Variants in PLEKHA8 observed in about 807,000 individuals in gnomAD.
The protein encoded by PLEKHA8 is pleckstrin homology domain-containing family A member 8.
A neutral mutation model predicts 68.2 loss-of-function variants in PLEKHA8; 36 were observed. That is an observed-to-expected ratio of 0.53 (90% CI 0.40 to 0.70). The LOEUF is 0.70. Ranked by LOEUF, PLEKHA8 falls within the 30% of genes least tolerant of loss-of-function variation. PLEKHA8 has a pLI of 0.00. For missense variants in PLEKHA8, 505 were observed against 615.4 expected (o/e 0.82, Z 1.90); for synonymous variants, 211 against 216.1 (o/e 0.98, Z 0.20).
intron 9 of PLEKHA8, among the ~76,000 whole-genome samples, chr7:30,058,791 A>G (rs1793201992): frequency 6.6e-6 from 1 of 152,220 alleles, no homozygotes. Context: ...GATTAAGATT[A>G]CATTATATCT....
rs887034551 is a variant in PLEKHA8, at chr7:30,078,739, G to A, written c.1512G>A (p.Leu504=). The change falls in exon 14 of 14, where the codon CTG becomes CTA. Residue 504 remains leucine (L), a synonymous_variant. Transcript: ENST00000449726. ...CCATGGAGAAGCAGCTGGCCATACT[G>A]GACACTTTATATGAGGTCCACGGGC... The part of the protein sequence containing the change: ...LPAMEKQLAI[L]DTLYEVHGLE... The A allele has an allele frequency of 1.9e-6, 3 of 1,613,758 alleles. No homozygotes were observed. Among genetic ancestry groups the A allele is most frequent in the African/African-American group, 1.3e-5 (1 of 74,992 alleles).
intron 13 of PLEKHA8, among the ~76,000 whole-genome samples, chr7:30,107,345 C>T (rs566238634): frequency 6.6e-6 from 1 of 151,904 alleles, no homozygotes; most frequent in East Asian, 1.9e-4. Context: ...AAACTTATTC[C>T]TAGGTACCTT....
At chr7:30,120,181 A>AC (rs202198987) in intron 13 of PLEKHA8, among the ~76,000 whole-genome samples, 6 of 151,454 alleles carry the variant, frequency 4.0e-5, no homozygotes, top group African/African-American at 1.2e-4. Flanking sequence ...AAAAAAAAAA[A>AC]CAGAAAATAA....
chr7:30,109,612 A>AAAAAG (rs796856565), intron 13 of PLEKHA8, among the ~76,000 whole-genome samples: 2 of 104,790 alleles, frequency 1.9e-5, no homozygotes, highest in African/African-American at 7.3e-5. Context: ...AAAAAAAAAA[A>AAAAAG]AGAGAGAGAG....
At chr7:30,044,774 G>A (rs1791818879) in intron 1 of PLEKHA8, among the ~76,000 whole-genome samples, 1 of 152,194 alleles carries the variant, frequency 6.6e-6, no homozygotes, top group Admixed American at 6.5e-5. Flanking sequence ...GAAAGAAATA[G>A]AATACACATC....
At chr7:30,089,155 C>T (rs1466622794), downstream of PLEKHA8, among the ~76,000 whole-genome samples, 2 of 152,174 alleles carry the variant, frequency 1.3e-5, no homozygotes, top group East Asian at 3.8e-4. Context: ...TACACAGCTC[C>T]TTCCTCCTCC....
Position 30,054,803 on chromosome 7 carries a change from G to A in PLEKHA8, c.891G>A (p.Pro297=), listed in dbSNP as rs756896529. The change falls in exon 8 of 14, where the codon CCG becomes CCA. Residue 297 remains proline, a synonymous_variant. Coordinates refer to ENST00000449726, the MANE Select transcript of PLEKHA8 (RefSeq NM_001197026.2). The part of the protein sequence containing the change: ...TQSGSDSSCS[P]ECLWEEGKEV... ...CTGGATCAGACTCAAGTTGCTCTCC[G>A]GAATGCCTCTGGGAGGAAGGCAAAG... The A allele has an allele frequency of 1.6e-5, 26 of 1,611,888 alleles. No individual in the cohort carries two copies. The Admixed American group carries it at 1.8e-4, about 11-fold the overall frequency.
At chr7:30,114,952 C>A (rs1796380892) in intron 13 of PLEKHA8, among the ~76,000 whole-genome samples, 1 of 152,092 alleles carries the variant, frequency 6.6e-6, no homozygotes, top group Non-Finnish European at 1.5e-5. Flanking sequence ...CATATAAATT[C>A]TTTTTTGTCT....
chr7:30,097,988 G>A (rs367587314), intron 13 of PLEKHA8, among the ~76,000 whole-genome samples: 4 of 152,108 alleles, frequency 2.6e-5, no homozygotes, highest in African/African-American at 9.7e-5. Context: ...TGATGGTGAC[G>A]TACAGATGGA....
intron 13 of PLEKHA8, among the ~76,000 whole-genome samples, chr7:30,123,606 TAGAC>T (rs1401311823): frequency 2.6e-5 from 4 of 152,178 alleles, no homozygotes; most frequent in African/African-American, 4.8e-5. Context: ...ATCAGGCACT[TAGAC>T]AGAAGGAGAG....
chr7:30,115,833 T>TGC lies in PLEKHA8; in HGVS notation c.1363-13433_1363-13432insGC, dbSNP rs1562558017. On this transcript the variant is annotated intron_variant, in intron 13 of 13. Coordinates refer to the PLEKHA8 transcript ENST00000396257. ...GCATGCATGTATACATGCGTGCACA[T>TGC]ACATGTATACACGTATGCATACATA... The TGC allele has an allele frequency of 3.1e-3, 445 of 143,654 alleles. 39 individuals carry two copies. Among genetic ancestry groups the TGC allele is most frequent in the African/African-American group, 0.01 (404 of 39,106 alleles). 8.9% of individuals were successfully genotyped at this position (143,654 alleles called of 1,614,324 possible).
intron 13 of PLEKHA8, among the ~76,000 whole-genome samples, chr7:30,123,253 G>A (rs1436663018): frequency 6.6e-6 from 1 of 152,226 alleles, no homozygotes; most frequent in African/African-American, 2.4e-5. Context: ...GTCCAAGGAA[G>A]TTAAATGGCT....
In PLEKHA8 at chr7:30,053,147, A is replaced by G. The variant is rs146483404; in HGVS notation, c.796+281A>G. Among the ~76,000 whole-genome samples the G allele has an allele frequency of 4.4e-3, 665 of 152,318 alleles. 7 individuals carry two copies. Among genetic ancestry groups the G allele is most frequent in the African/African-American group, 0.015 (644 of 41,568 alleles). ...CAGAGGGCCTTCAACCCTGTATCTT[A>G]AAAGTCCTTTGAACTTAGATTATGA... On this transcript the variant is annotated intron_variant, in intron 7 of 13. Coordinates refer to ENST00000449726, the MANE Select transcript of PLEKHA8 (RefSeq NM_001197026.2).
At chr7:30,118,149 G>A (rs1002100122) in intron 13 of PLEKHA8, 4 of 715,980 alleles carry the variant, frequency 5.6e-6, no homozygotes, top group Admixed American at 3.9e-5. Context: ...TGCCCAGCAA[G>A]CCCCGAGATG....
chr7:30,108,369 G>A (rs1796149637), intron 13 of PLEKHA8, among the ~76,000 whole-genome samples: 1 of 152,086 alleles, frequency 6.6e-6, no homozygotes. Context: ...TTTGTAAAAT[G>A]AGGTGGGCAG....
At chr7:30,072,848 A>T (rs746762254) in intron 12 of PLEKHA8, among the ~76,000 whole-genome samples, 1 of 152,206 alleles carries the variant, frequency 6.6e-6, no homozygotes, top group Non-Finnish European at 1.5e-5. Flanking sequence ...CTGTGCTGTT[A>T]ATTTAGAAAT....
At chr7:30,089,425 C>T (rs1356936724), downstream of PLEKHA8, among the ~76,000 whole-genome samples, 2 of 151,758 alleles carry the variant, frequency 1.3e-5, no homozygotes, top group African/African-American at 2.4e-5. Flanking sequence ...TCTGTCTGCT[C>T]AATGTCTGTG....
downstream of PLEKHA8, among the ~76,000 whole-genome samples, chr7:30,092,249 C>T (rs768086666): frequency 6.6e-6 from 1 of 152,106 alleles, no homozygotes; most frequent in Non-Finnish European, 1.5e-5. Context: ...GCTACAAAAA[C>T]GGTGGTGGTA....
At chr7:30,093,548 A>G (rs1262437634), downstream of PLEKHA8, among the ~76,000 whole-genome samples, 3 of 152,214 alleles carry the variant, frequency 2.0e-5, no homozygotes, top group Non-Finnish European at 2.9e-5. Context: ...CACCCTCACC[A>G]TGGGATTTTG....
Sources: gnomAD v4.1 joint callset for allele counts (sites outside exome capture counted in the v4.1 genomes callset) on GRCh38, gnomAD v4.1.1 for gene constraint, MANE v1.5 for transcripts, NCBI Gene and HGNC (gene_info 2026-07-23, HGNC 2026-07-21) for gene names.